Variants in MGAT4A observed in about 807,000 individuals in gnomAD.
The protein encoded by MGAT4A is N-acetylglucosaminyltransferase IVa.
In MGAT4A, 33 loss-of-function variants were observed where a neutral mutation model predicts 74.1. That is an observed-to-expected ratio of 0.45 (90% confidence interval 0.34 to 0.60). MGAT4A has a LOEUF of 0.60. Ranked by LOEUF, MGAT4A falls within the 20% of genes least tolerant of loss-of-function variation. The probability of loss-of-function intolerance (pLI) is 0.02; values close to 1 mark genes in which losing one functional copy is unlikely to be tolerated. For missense variants in MGAT4A, 479 were observed against 628.3 expected, an observed-to-expected ratio of 0.76 and a Z score of 2.54; for synonymous variants, 198 against 210.4, an observed-to-expected ratio of 0.94 and a Z score of 0.51.
intron 2 of MGAT4A, among the ~76,000 whole-genome samples, chr2:98,699,017 G>C (rs1326366812): frequency 6.6e-6 from 1 of 152,116 alleles, no homozygotes; most frequent in East Asian, 1.9e-4. Context: ...ACTATCCCCA[G>C]GTTCAGTGAT....
rs139430903 is a variant in MGAT4A at position 98,630,225 on chromosome 2, G to A, written c.1469-4390C>T. Among the ~76,000 whole-genome samples, 740 of 152,230 alleles carry A rather than the reference G, an allele frequency of 4.9e-3. 7 individuals carry two copies. Among genetic ancestry groups the A allele is most frequent in the African/African-American group, 0.017 (707 of 41,514 alleles). ...AAACTTTATGACCAGAGAACAGATC[G>A]TGCTGTCCACAGAATCCATCCATAG... On this transcript the variant is annotated intron_variant, in intron 14 of 15. Transcript: ENST00000393487.
At chr2:98,641,065 G>A (rs1396744557) in intron 10 of MGAT4A, among the ~76,000 whole-genome samples, 1 of 152,052 alleles carries the variant, frequency 6.6e-6, no homozygotes, top group East Asian at 1.9e-4. Context: ...AGTGCCCCAC[G>A]GTCCAGACGT....
chr2:98,623,518 G>A lies in MGAT4A; in HGVS notation c.*2048C>T, dbSNP rs888475173. On this transcript the variant is annotated 3_prime_UTR_variant, in exon 16 of 16. Coordinates refer to ENST00000393487, the MANE Select transcript of MGAT4A (RefSeq NM_012214.3). The stretch of plus-strand genomic sequence containing the variant: ...CTGGTGCCAAAATTTTATGACAAAA[G>A]GTTATTCCTGTTTTTGAATGAAATT... 2 of 985,272 alleles carry A rather than the reference G, an allele frequency of 2.0e-6. No individual in the cohort carries two copies. The highest frequency in any genetic ancestry group is 3.5e-5 in the African/African-American group (2 of 57,224). 61.0% of individuals were successfully genotyped at this position (985,272 alleles called of 1,614,324 possible).
intron 14 of MGAT4A, among the ~76,000 whole-genome samples, chr2:98,630,855 T>G (rs1192587310): frequency 6.6e-6 from 1 of 152,188 alleles, no homozygotes; most frequent in South Asian, 2.1e-4. Flanking sequence ...TGGTACTGTG[T>G]GTGTGTAATG....
intron 2 of MGAT4A, among the ~76,000 whole-genome samples, chr2:98,697,232 C>T (rs2104309350): frequency 6.6e-6 from 1 of 152,310 alleles, no homozygotes; most frequent in South Asian, 2.1e-4. Flanking sequence ...ACAAAGCAAA[C>T]TACTCAAACA....
At chr2:98,637,735 T>G (rs1318409447) in intron 12 of MGAT4A, among the ~76,000 whole-genome samples, 1 of 152,188 alleles carries the variant, frequency 6.6e-6, no homozygotes, top group East Asian at 1.9e-4. Flanking sequence ...AATTGTCACC[T>G]TTCACGAGTT....
intron 12 of MGAT4A, among the ~76,000 whole-genome samples, chr2:98,637,019 C>G (rs899872706): frequency 5.3e-5 from 8 of 152,054 alleles, no homozygotes; most frequent in African/African-American, 1.9e-4. Context: ...TGTCCAAAGA[C>G]CAGTTCTAGG....
chr2:98,723,604 C>CT (rs1403635508), intron 2 of MGAT4A, among the ~76,000 whole-genome samples: 2 of 152,142 alleles, frequency 1.3e-5, no homozygotes, highest in Admixed American at 1.3e-4. Context: ...CAGCTAAACA[C>CT]TGAGAGGGCC....
chr2:98,682,359 C>CTGCA (rs1553538517), intron 2 of MGAT4A, among the ~76,000 whole-genome samples: 2 of 139,014 alleles, frequency 1.4e-5, no homozygotes, highest in Non-Finnish European at 3.1e-5. Context: ...GAGGCAGAGG[C>CTGCA]TGCAGTGAGC....
At chr2:98,666,178 G>C (rs906037864) in intron 4 of MGAT4A, among the ~76,000 whole-genome samples, 24 of 152,178 alleles carry the variant, frequency 1.6e-4, no homozygotes, top group African/African-American at 5.5e-4. Flanking sequence ...GTGGAGATGA[G>C]TGGATGATGG....
intron 13 of MGAT4A, among the ~76,000 whole-genome samples, chr2:98,635,792 A>G (rs921241164): frequency 1.3e-5 from 2 of 151,818 alleles, no homozygotes; most frequent in African/African-American, 4.8e-5. Context: ...GGAGATCAAG[A>G]CCATCCTGGC....
At chr2:98,730,227 G>A (rs1702827191) in intron 1 of MGAT4A, 1 of 152,256 alleles carries the variant, frequency 6.6e-6, no homozygotes, top group Non-Finnish European at 1.5e-5. Flanking sequence ...AATGCGGAAT[G>A]TAGGCAATGA....
At position 98,712,076 on chromosome 2, in the gene MGAT4A, C is replaced by T. The variant is rs115923051; in HGVS notation, c.94+14163G>A. ...ACAGTCCCTGTCCCCTCCTCATTCC[C>T]TCAGTCTCCTCCACTCTTCTCCATC... On this transcript the variant is annotated intron_variant, in intron 2 of 15. Transcript: ENST00000393487. 6.5e-3 allele frequency among the ~76,000 whole-genome samples: 989 copies of T among 152,314 alleles called. 3 individuals carry two copies. The highest frequency in any genetic ancestry group is 0.022 in the African/African-American group (933 of 41,564).
chr2:98,628,338 T>C (rs1575238815), intron 14 of MGAT4A, among the ~76,000 whole-genome samples: 1 of 152,252 alleles, frequency 6.6e-6, no homozygotes, highest in East Asian at 1.9e-4. Context: ...CCAATGTCCT[T>C]AAGTCTTCAA....
intron 2 of MGAT4A, among the ~76,000 whole-genome samples, chr2:98,689,294 T>C (rs1392339574): frequency 6.6e-6 from 1 of 152,196 alleles, no homozygotes; most frequent in Non-Finnish European, 1.5e-5. Context: ...CAAAGACATC[T>C]GACAACTGTA....
chr2:98,620,512 T>C lies in MGAT4A; in HGVS notation c.*5054A>G, dbSNP rs1362559071. ...CAGTAAAAATAAGCAGAAAAATTAATGGACAAACCAAAATAAAACTTCATT... is the reference window on the plus strand; with the variant it reads ...CAGTAAAAATAAGCAGAAAAATTAACGGACAAACCAAAATAAAACTTCATT... On this transcript the variant is annotated 3_prime_UTR_variant, in exon 16 of 16. Coordinates refer to ENST00000393487, the MANE Select transcript of MGAT4A (RefSeq NM_012214.3). The C allele has an allele frequency of 3.9e-5, 6 of 152,168 alleles. No individual in the cohort carries two copies. In the East Asian group the frequency reaches 9.6e-4, roughly 24 times the overall value. 9.4% of individuals were successfully genotyped at this position (152,168 alleles called of 1,614,324 possible).
chr2:98,652,224 A>G (rs938360260), intron 8 of MGAT4A, among the ~76,000 whole-genome samples: 1 of 152,200 alleles, frequency 6.6e-6, no homozygotes, highest in Non-Finnish European at 1.5e-5. Flanking sequence ...CGACAGACAT[A>G]AAGAACACTG....
At chr2:98,649,409 G>C (rs773159052) in intron 8 of MGAT4A, among the ~76,000 whole-genome samples, 1 of 152,118 alleles carries the variant, frequency 6.6e-6, no homozygotes, top group Admixed American at 6.5e-5. Context: ...ACCACAGTGA[G>C]GAAACACTCA....
chr2:98,725,277 A>C (rs543153893), intron 2 of MGAT4A, among the ~76,000 whole-genome samples: 1 of 152,322 alleles, frequency 6.6e-6, no homozygotes, highest in Admixed American at 6.5e-5. Context: ...TACTTGCTCA[A>C]AGCACAGAGC....
Sources: allele counts gnomAD v4.1 joint callset (sites outside exome capture counted in the v4.1 genomes callset), GRCh38; gene constraint gnomAD v4.1.1; transcripts MANE v1.5; gene names NCBI Gene and HGNC (gene_info 2026-07-23, HGNC 2026-07-21).